NRG1: variants seen among roughly 807,000 people sequenced by gnomAD.
The protein encoded by NRG1 is pro-neuregulin-1, membrane-bound isoform.
NRG1 carries 18 observed loss-of-function variants against 63.8 expected under a neutral mutation model. The ratio of observed to expected loss-of-function variants is 0.28; its 90% confidence interval spans 0.19 to 0.42. The LOEUF (loss-of-function observed/expected upper bound fraction) is 0.42. NRG1 is among the 10% of genes least tolerant of loss of function. The probability of loss-of-function intolerance (pLI) is 1.00; values close to 1 mark genes in which losing one functional copy is unlikely to be tolerated. For synonymous variants in NRG1, 302 were observed against 301.3 expected, an observed-to-expected ratio of 1.00 and a Z score of -0.02; for missense variants, 762 against 814.7, an observed-to-expected ratio of 0.94 and a Z score of 0.79.
chr8:32,218,057 A>G (rs1201835740), intron 1 of NRG1, among the ~76,000 whole-genome samples: 1 of 152,228 alleles, frequency 6.6e-6, no homozygotes, highest in African/African-American at 2.4e-5. Context: ...ATGGATAGTT[A>G]TCTTAAACGG....
chr8:32,706,656 G>A (rs1204094637), intron 5 of NRG1, among the ~76,000 whole-genome samples: 2 of 152,008 alleles, frequency 1.3e-5, no homozygotes, highest in African/African-American at 4.8e-5. Flanking sequence ...ACTTACCAAC[G>A]TTAGCCTCTA....
intron 1 of NRG1, among the ~76,000 whole-genome samples, chr8:32,594,264 C>T (rs948770378): frequency 1.3e-5 from 2 of 152,100 alleles, no homozygotes; most frequent in African/African-American, 4.8e-5. Flanking sequence ...GGTACGGAAT[C>T]AGGGAGGTAT....
chr8:32,087,003 G>A (rs1163844247), intron 1 of NRG1, among the ~76,000 whole-genome samples: 1 of 152,126 alleles, frequency 6.6e-6, no homozygotes, highest in Non-Finnish European at 1.5e-5. Context: ...TGACGTAACT[G>A]AAACTACATG....
intron 5 of NRG1, among the ~76,000 whole-genome samples, chr8:32,659,730 C>T (rs912607284): frequency 6.6e-6 from 1 of 152,190 alleles, no homozygotes; most frequent in Non-Finnish European, 1.5e-5. Context: ...GCTGTCTCCC[C>T]AGTCTTCATC....
chr8:32,147,997 G>A (rs2131799992), intron 1 of NRG1, among the ~76,000 whole-genome samples: 2 of 152,214 alleles, frequency 1.3e-5, no homozygotes, highest in South Asian at 4.1e-4. Flanking sequence ...GATAAACATA[G>A]TGGTCAAATA....
intron 1 of NRG1, among the ~76,000 whole-genome samples, chr8:31,948,973 T>C (rs1213201588): frequency 6.6e-6 from 1 of 152,204 alleles, no homozygotes; most frequent in African/African-American, 2.4e-5. Flanking sequence ...TTCAATTCAA[T>C]TGCCATTCAA....
intron 1 of NRG1, among the ~76,000 whole-genome samples, chr8:32,480,210 A>G (rs920477380): frequency 6.6e-6 from 1 of 152,096 alleles, no homozygotes; most frequent in Admixed American, 6.5e-5. Context: ...GGCAGAAGCA[A>G]TTTGTAATGA....
chr8:32,538,112 A>G (rs1316834958), intron 1 of NRG1, among the ~76,000 whole-genome samples: 3 of 152,096 alleles, frequency 2.0e-5, no homozygotes, highest in Non-Finnish European at 2.9e-5. Flanking sequence ...TCGGCCTCCT[A>G]AAATGCTGGG....
At chr8:32,325,240 C>T (rs1801855958) in intron 1 of NRG1, among the ~76,000 whole-genome samples, 1 of 152,148 alleles carries the variant, frequency 6.6e-6, no homozygotes, top group Admixed American at 6.5e-5. Context: ...TTTTACTAGG[C>T]TTTATAGCAC....
At chr8:31,806,161 A>G (rs1822266340) in intron 1 of NRG1, among the ~76,000 whole-genome samples, 1 of 152,208 alleles carries the variant, frequency 6.6e-6, no homozygotes, top group African/African-American at 2.4e-5. Context: ...ATAGTCAAAA[A>G]GAAAAGGTAC....
At chr8:32,488,622 C>CAAAG (rs1410999746) in intron 1 of NRG1, among the ~76,000 whole-genome samples, 1 of 151,704 alleles carries the variant, frequency 6.6e-6, no homozygotes, top group African/African-American at 2.4e-5. Flanking sequence ...CCCAAACAAA[C>CAAAG]AAACAAACAA....
At chr8:32,708,238 A>G (rs1250602617) in intron 5 of NRG1, among the ~76,000 whole-genome samples, 1 of 152,196 alleles carries the variant, frequency 6.6e-6, no homozygotes, top group Non-Finnish European at 1.5e-5. Flanking sequence ...AACAAAGCAA[A>G]TAAAATAATG....
chr8:32,154,954 G>A (rs866120674), intron 1 of NRG1, among the ~76,000 whole-genome samples: 11 of 152,120 alleles, frequency 7.2e-5, no homozygotes, highest in African/African-American at 9.7e-5. Flanking sequence ...AACTGAGATC[G>A]CAGGGAATTG....
At chr8:31,695,717 CTATTTTT>C (rs1429311111) in intron 1 of NRG1, among the ~76,000 whole-genome samples, 1 of 152,132 alleles carries the variant, frequency 6.6e-6, no homozygotes, top group Non-Finnish European at 1.5e-5. Flanking sequence ...ATAAACCATT[CTATTTTT>C]TAAGTTCAAC....
chr8:31,673,973 A>G (rs1456517737), intron 1 of NRG1, among the ~76,000 whole-genome samples: 1 of 152,188 alleles, frequency 6.6e-6, no homozygotes, highest in African/African-American at 2.4e-5. Flanking sequence ...AAATCCAGTC[A>G]ATCAATAATT....
In NRG1 at chr8:31,977,893, G is replaced by A. The variant is rs117002721; in HGVS notation, c.37+338462G>A. ...TAAGTCATTTGGAAGGGTAACAAATGTTTGATGGTTTGTCAACTAGTCTTG... is the reference window on the plus strand; with the variant it reads ...TAAGTCATTTGGAAGGGTAACAAATATTTGATGGTTTGTCAACTAGTCTTG... On this transcript the variant is annotated intron_variant, in intron 1 of 10. Coordinates refer to the NRG1 transcript ENST00000519301. Among the ~76,000 whole-genome samples, 1,380 of 152,072 alleles carry A rather than the reference G, an allele frequency of 9.1e-3. 23 individuals are homozygous for A. Among genetic ancestry groups the A allele is most frequent in the South Asian group, 0.074 (358 of 4,816 alleles).
chr8:32,203,135 G>A (rs931879318), intron 1 of NRG1, among the ~76,000 whole-genome samples: 46 of 149,802 alleles, frequency 3.1e-4, no homozygotes, highest in Non-Finnish European at 4.6e-4. Flanking sequence ...GGTCCTGAAC[G>A]CAGCCCTGAT....
At chr8:32,314,445 C>T (rs1430119055) in intron 1 of NRG1, among the ~76,000 whole-genome samples, 1 of 10,078 alleles carries the variant, frequency 9.9e-5, no homozygotes, top group Admixed American at 1.6e-3. Flanking sequence ...GCGGTCCTCG[C>T]GTGAAGACTA....
exon 2 of NRG1, chr8:32,595,964 A>G (rs767547130): frequency 6.2e-7 from 1 of 1,613,892 alleles, no homozygotes; most frequent in Non-Finnish European, 8.5e-7. Flanking sequence ...AATTGAATCG[A>G]AAAAACAAAC....
Sources: allele counts gnomAD v4.1 joint callset (sites outside exome capture counted in the v4.1 genomes callset), GRCh38; gene constraint gnomAD v4.1.1; transcripts MANE v1.5; gene names NCBI Gene and HGNC (gene_info 2026-07-23, HGNC 2026-07-21).